ZNF345: variants seen among roughly 807,000 people sequenced by gnomAD.
ZNF345 encodes zinc finger protein HZF10.
For missense variants in ZNF345, 527 were observed against 589.9 expected (o/e 0.89, Z 1.10); for synonymous variants, 166 against 187.9 (o/e 0.88, Z 0.95).
At chr19:36,856,865 A>G (rs1434624189) in intron 2 of ZNF345, among the ~76,000 whole-genome samples, 1 of 150,192 alleles carries the variant, frequency 6.7e-6, no homozygotes, top group Admixed American at 6.7e-5. Context: ...AAAAAAAAAA[A>G]GATTGCTGTA....
chr19:36,874,028 G>A (rs185241954), intron 2 of ZNF345, among the ~76,000 whole-genome samples: 192 of 152,240 alleles, frequency 1.3e-3, no homozygotes, highest in Non-Finnish European at 2.2e-3. Context: ...TATGTTGATT[G>A]TTAGACTTTT....
intron 2 of ZNF345, among the ~76,000 whole-genome samples, chr19:36,871,568 C>T (rs2072771992): frequency 6.6e-6 from 1 of 151,972 alleles, no homozygotes; most frequent in Non-Finnish European, 1.5e-5. Context: ...TATTCTTAAG[C>T]ATTTTATATT....
intron 3 of ZNF345, among the ~76,000 whole-genome samples, chr19:36,885,237 T>C (rs921534739): frequency 1.3e-5 from 2 of 151,918 alleles, no homozygotes; most frequent in African/African-American, 4.8e-5. Flanking sequence ...ATGTAGAAAG[T>C]TACATTTTCA....
chr19:36,885,139 A>G (rs894101718), intron 3 of ZNF345, among the ~76,000 whole-genome samples: 6 of 152,094 alleles, frequency 3.9e-5, no homozygotes, highest in South Asian at 4.1e-4. Context: ...TTAGTATTGT[A>G]TAGTCATTCT....
chr19:36,852,523 C>T (rs565327769), intron 2 of ZNF345, among the ~76,000 whole-genome samples: 1 of 151,490 alleles, frequency 6.6e-6, no homozygotes, highest in Admixed American at 6.6e-5. Context: ...AGGAGAATCG[C>T]TTGAACCCGG....
At chr19:36,886,988 C>T (rs955846134) in intron 3 of ZNF345, among the ~76,000 whole-genome samples, 14 of 131,478 alleles carry the variant, frequency 1.1e-4, no homozygotes, top group African/African-American at 1.5e-4. Flanking sequence ...AGTGAGACTC[C>T]GTCTCAAAAA....
At chr19:36,892,140 A>G in intron 3 of ZNF345, 2 of 1,614,104 alleles carry the variant, frequency 1.2e-6, no homozygotes, top group Non-Finnish European at 1.7e-6. Flanking sequence ...AAGCCTTGCC[A>G]CATTCCTTAC....
chr19:36,858,681 C>G (rs1224506535), intron 2 of ZNF345, among the ~76,000 whole-genome samples: 1 of 152,058 alleles, frequency 6.6e-6, no homozygotes, highest in Non-Finnish European at 1.5e-5. Flanking sequence ...GCATGAGACC[C>G]CTTGAACCTG....
rs1348474308 is a variant in ZNF345 at position 36,877,140 on chromosome 19, A to T, written c.310A>T (p.Asn104Tyr). Residue 104 changes from asparagine (N) to tyrosine (Y), a missense_variant, in exon 3 of 3, where the codon AAC becomes TAC. By Grantham distance (143) the Asn-to-Tyr change is moderately radical. Coordinates refer to ENST00000420450, the MANE Select transcript of ZNF345 (RefSeq NM_001242472.2). The stretch of plus-strand genomic sequence containing the variant: ...TGGCAAGGCCTTTGGTAGTGGTGCA[A>T]ACCTTGCTTACCATCAAAGAATTCA... ...ECGKAFGSGANLAYHQRIHTG... is the reference protein window; with the variant it reads ...ECGKAFGSGAYLAYHQRIHTG... 1 of 1,613,564 alleles carries T rather than the reference A, an allele frequency of 6.2e-7. No individual in the cohort carries two copies. The highest frequency in any genetic ancestry group is 1.1e-5 in the South Asian group (1 of 91,026).
At chr19:36,853,235 T>C (rs1368342731) in intron 2 of ZNF345, among the ~76,000 whole-genome samples, 1 of 148,422 alleles carries the variant, frequency 6.7e-6, no homozygotes, top group African/African-American at 2.6e-5. Context: ...AAAGCTTGCT[T>C]TCTTTCTTTC....
At chr19:36,892,933 G>A in exon 4 of ZNF345, 1 of 864,760 alleles carries the variant, frequency 1.2e-6, no homozygotes, top group Non-Finnish European at 1.6e-6. Context: ...GGAGGGCCAT[G>A]GAGGAGGACA....
intron 2 of ZNF345, among the ~76,000 whole-genome samples, chr19:36,859,646 C>T (rs914935104): frequency 2.4e-4 from 36 of 151,896 alleles, no homozygotes; most frequent in African/African-American, 8.0e-4. Flanking sequence ...TTGTTTACCT[C>T]GTTTCTAGGC....
At chr19:36,868,750 C>T (rs1322807668) in intron 2 of ZNF345, among the ~76,000 whole-genome samples, 3 of 151,614 alleles carry the variant, frequency 2.0e-5, no homozygotes, top group Non-Finnish European at 2.9e-5. Flanking sequence ...CTCAGGCTCC[C>T]GAGTAGCTGG....
chr19:36,877,985 T>A lies in ZNF345; in HGVS notation c.1155T>A (p.Leu385=), dbSNP rs4806370. 79,987 of 1,614,094 alleles carry A rather than the reference T, an allele frequency of 0.05. 2,313 individuals carry two copies. The highest frequency in any genetic ancestry group is 0.058 in the Non-Finnish European group (68,896 of 1,180,004). Residue 385 remains leucine (L), a synonymous_variant, in exon 3 of 3, where the codon CTT becomes CTA. Coordinates refer to ENST00000420450, the MANE Select transcript of ZNF345 (RefSeq NM_001242472.2). ...AGGCCTTTGGTAGTGGCTCAAAACT[T>A]ATCCAACACCAGCTAATCCATACTG... ...CGKAFGSGSK[L]IQHQLIHTGE... is the part of the protein sequence containing the mutation.
intron 2 of ZNF345, among the ~76,000 whole-genome samples, chr19:36,861,001 A>G (rs1250092622): frequency 6.6e-6 from 1 of 151,970 alleles, no homozygotes; most frequent in Admixed American, 6.6e-5. Flanking sequence ...TTGGCATTCT[A>G]CTATAAAGAA....
intron 3 of ZNF345, among the ~76,000 whole-genome samples, chr19:36,887,521 T>G (rs939631620): frequency 6.6e-6 from 1 of 152,154 alleles, no homozygotes; most frequent in South Asian, 2.1e-4. Flanking sequence ...TAAAACAAAT[T>G]ATATATTTTA....
At chr19:36,885,659 G>A (rs1347828065) in intron 3 of ZNF345, among the ~76,000 whole-genome samples, 1 of 151,822 alleles carries the variant, frequency 6.6e-6, no homozygotes, top group Non-Finnish European at 1.5e-5. Context: ...CTCACATCTT[G>A]CCTGGGATTA....
rs374971788 is a variant in ZNF345 at position 36,878,146 on chromosome 19, C to T, written c.1316C>T (p.Ser439Leu). Residue 439 changes from serine to leucine, a missense_variant, in exon 3 of 3, where the codon TCA becomes TTA. Coordinates refer to ENST00000420450, the MANE Select transcript of ZNF345 (RefSeq NM_001242472.2). ...TGTGGGAAGGCTTTTTATAGTGGCT[C>T]AAGCCTTACTCAGCATCAGAGAATT... Reference protein sequence around the residue: ...KECGKAFYSGSSLTQHQRIHT... With the variant: ...KECGKAFYSGLSLTQHQRIHT... The T allele has an allele frequency of 2.4e-5, 39 of 1,614,016 alleles. No individual in the cohort carries two copies. Among genetic ancestry groups the T allele is most frequent in the Non-Finnish European group, 3.2e-5 (38 of 1,180,022 alleles).
At chr19:36,881,813 C>G (rs796465932), downstream of ZNF345, among the ~76,000 whole-genome samples, 9 of 152,042 alleles carry the variant, frequency 5.9e-5, no homozygotes, top group African/African-American at 1.9e-4. Flanking sequence ...ATATTGAAAC[C>G]CACTTTCAGA....
Sources: allele counts gnomAD v4.1 joint callset (sites outside exome capture counted in the v4.1 genomes callset), GRCh38; gene constraint gnomAD v4.1.1; transcripts MANE v1.5; gene names NCBI Gene and HGNC (gene_info 2026-07-23, HGNC 2026-07-21).